The following TECPR2 variants were observed in gnomAD, a reference collection of about 807,000 sequenced individuals.
TECPR2 encodes tectonin beta-propeller repeat-containing protein 2.
A neutral mutation model predicts 138.1 loss-of-function variants in TECPR2; 65 were observed. The ratio of observed to expected loss-of-function variants is 0.47; its 90% confidence interval spans 0.39 to 0.58. TECPR2 has a LOEUF of 0.58. Ranked by LOEUF, TECPR2 falls within the 20% of genes least tolerant of loss-of-function variation. The pLI is 0.00. For missense variants in TECPR2, 1,553 were observed against 1,824.5 expected, an observed-to-expected ratio of 0.85 and a Z score of 2.71; for synonymous variants, 746 against 749.8, an observed-to-expected ratio of 0.99 and a Z score of 0.08.
chr14:102,447,266 G>A (rs1172054743), intron 13 of TECPR2, among the ~76,000 whole-genome samples: 2 of 151,384 alleles, frequency 1.3e-5, no homozygotes, highest in African/African-American at 2.4e-5. Flanking sequence ...ACAGGCACAT[G>A]CCACCATGCC....
chr14:102,463,416 CAA>C (rs550694466), intron 16 of TECPR2, among the ~76,000 whole-genome samples: 2 of 38,538 alleles, frequency 5.2e-5, no homozygotes, highest in East Asian at 7.8e-4. Context: ...GACTCCGTCT[CAA>C]AAAAAAAAAA....
Position 102,414,632 on chromosome 14 carries a change from C to G in TECPR2, c.481-4C>G. ...GTGAGGTGTAACCAGACTTTCTCTG[C>G]CAGGGGCTCTGTAACTCCCAGCTGG... On this transcript the variant is annotated splice_polypyrimidine_tract_variant and splice_region_variant and intron_variant, in intron 4 of 19. Coordinates refer to ENST00000359520, the MANE Select transcript of TECPR2 (RefSeq NM_014844.5). 1 of 1,614,002 alleles carries G rather than the reference C, an allele frequency of 6.2e-7. No homozygotes were observed. Among genetic ancestry groups the G allele is most frequent in the Non-Finnish European group, 8.5e-7 (1 of 1,179,926 alleles).
chr14:102,487,686 C>T (rs970259946), intron 17 of TECPR2, among the ~76,000 whole-genome samples: 6 of 152,092 alleles, frequency 3.9e-5, no homozygotes, highest in South Asian at 2.1e-4. Flanking sequence ...GGACTACAGG[C>T]GCCCGCCACC....
At chr14:102,407,945 G>A (rs570838910) in intron 3 of TECPR2, among the ~76,000 whole-genome samples, 58 of 150,754 alleles carry the variant, frequency 3.8e-4, no homozygotes, top group Admixed American at 3.3e-4. Context: ...TGCAGTGAGC[G>A]GAGATCACGC....
Position 102,498,711 on chromosome 14 carries a change from G to A in TECPR2, c.*454G>A, listed in dbSNP as rs748336497. 2.0e-4 allele frequency: 85 copies of A among 430,246 alleles called. 1 individual carries two copies. Among genetic ancestry groups the A allele is most frequent in the South Asian group, 1.2e-3 (66 of 53,418 alleles). The allele number at this position is 430,246 out of a possible 1,614,324, so 26.7% of individuals were successfully genotyped here. A position where few individuals can be genotyped will look rare whatever the true frequency, so the allele number is the denominator to read the frequency against. Reference sequence around the variant, plus strand: ...CTCTCTGCAGCGCGGGATGTGCTCGGTGATGGCTTTGTCCCATCATAGGGG... The same window carrying A: ...CTCTCTGCAGCGCGGGATGTGCTCGATGATGGCTTTGTCCCATCATAGGGG... On this transcript the variant is annotated 3_prime_UTR_variant, in exon 20 of 20. Transcript: ENST00000359520.
At chr14:102,391,369 G>C (rs569522248) in intron 2 of TECPR2, among the ~76,000 whole-genome samples, 2 of 152,108 alleles carry the variant, frequency 1.3e-5, no homozygotes, top group East Asian at 3.9e-4. Flanking sequence ...CTAAAACTAT[G>C]GTTTTTAAAG....
intron 16 of TECPR2, among the ~76,000 whole-genome samples, chr14:102,459,297 G>A (rs1890349932): frequency 6.6e-6 from 1 of 152,184 alleles, no homozygotes; most frequent in African/African-American, 2.4e-5. Flanking sequence ...TGGGATGTGA[G>A]TTTTGATCCT....
intron 17 of TECPR2, among the ~76,000 whole-genome samples, chr14:102,484,204 C>A (rs755957478): frequency 2.7e-4 from 41 of 152,122 alleles, no homozygotes; most frequent in Non-Finnish European, 5.3e-4. Context: ...AAGACATTCT[C>A]AACCTTATTT....
intron 4 of TECPR2, among the ~76,000 whole-genome samples, chr14:102,412,176 G>C (rs1172124101): frequency 2.2e-5 from 3 of 136,068 alleles, no homozygotes; most frequent in African/African-American, 8.6e-5. Context: ...CTCTCACCCA[G>C]GCTGGTGCAC....
chr14:102,388,446 C>A (rs1218860611), intron 2 of TECPR2, among the ~76,000 whole-genome samples: 37 of 152,168 alleles, frequency 2.4e-4, no homozygotes, highest in Admixed American at 2.4e-3. Flanking sequence ...GTAATCCCAG[C>A]ACTTTGGGAG....
intron 16 of TECPR2, among the ~76,000 whole-genome samples, chr14:102,461,939 A>G (rs1890421119): frequency 1.3e-5 from 2 of 152,148 alleles, no homozygotes; most frequent in Non-Finnish European, 1.5e-5. Flanking sequence ...GGCCTGGGTG[A>G]CACTCTGGGG....
chr14:102,406,053 T>C (rs1309280221), intron 2 of TECPR2, among the ~76,000 whole-genome samples: 1 of 148,224 alleles, frequency 6.7e-6, no homozygotes, highest in Non-Finnish European at 1.5e-5. Context: ...GAAAGTAGAA[T>C]GGTAGTTGCC....
At chr14:102,403,812 A>G (rs1225005575) in intron 2 of TECPR2, among the ~76,000 whole-genome samples, 1 of 152,242 alleles carries the variant, frequency 6.6e-6, no homozygotes, top group Non-Finnish European at 1.5e-5. Context: ...AGACTCATAC[A>G]ATGAAACATG....
At chr14:102,479,642 G>A (rs1435176380) in intron 17 of TECPR2, among the ~76,000 whole-genome samples, 1 of 152,172 alleles carries the variant, frequency 6.6e-6, no homozygotes, top group East Asian at 1.9e-4. Flanking sequence ...GTGGACATGG[G>A]GACTCTGACA....
intron 17 of TECPR2, among the ~76,000 whole-genome samples, chr14:102,480,908 GA>G (rs1320193830): frequency 7.0e-6 from 1 of 142,768 alleles, no homozygotes; most frequent in East Asian, 2.1e-4. Context: ...TCAGTGGGGT[GA>G]TCTTGGCTCA....
rs1464821275 is a variant in TECPR2 at position 102,432,685 on chromosome 14, C to T, written c.1417+557C>T. Among the ~76,000 whole-genome samples, 4 of 151,774 alleles carry T rather than the reference C, an allele frequency of 2.6e-5. No homozygotes were observed. In the South Asian group the frequency reaches 6.2e-4, roughly 24 times the overall value. On this transcript the variant is annotated intron_variant, in intron 8 of 19. Coordinates refer to ENST00000359520, the MANE Select transcript of TECPR2 (RefSeq NM_014844.5). ...GCTGGGATTACAGCGTGAGCCACCGCGCCTGGCATAGTTTTTAGTATTTAA... is the reference window on the plus strand; with the variant it reads ...GCTGGGATTACAGCGTGAGCCACCGTGCCTGGCATAGTTTTTAGTATTTAA...
chr14:102,452,740 G>C, intron 16 of TECPR2, 113 bp downstream of exon 16: 3 of 816,076 alleles, frequency 3.7e-6, no homozygotes, highest in Admixed American at 2.4e-5. Flanking sequence ...AGAGTTCTGA[G>C]GGGGTGTTTA....
intron 17 of TECPR2, among the ~76,000 whole-genome samples, chr14:102,474,589 A>T (rs1890717666): frequency 6.6e-6 from 1 of 152,144 alleles, no homozygotes; most frequent in African/African-American, 2.4e-5. Context: ...GCGCCATTGC[A>T]CTCTAGCCTG....
At position 102,445,954 on chromosome 14, in the gene TECPR2, G is replaced by A; in HGVS notation, c.3075+7G>A. The A allele has an allele frequency of 6.2e-7, 1 of 1,612,928 alleles. No individual in the cohort carries two copies. On this transcript the variant is annotated splice_region_variant and intron_variant, in intron 13 of 19. Transcript: ENST00000359520. The stretch of plus-strand genomic sequence containing the variant: ...TGACGACCATTGGTGGCAAGTAGGT[G>A]TTCAGCTCTGCGCCACGTGCCGAGG...
Sources: gnomAD v4.1 joint callset for allele counts (sites outside exome capture counted in the v4.1 genomes callset) on GRCh38, gnomAD v4.1.1 for gene constraint, MANE v1.5 for transcripts, NCBI Gene and HGNC (gene_info 2026-07-23, HGNC 2026-07-21) for gene names.